Variants in MTR observed in about 807,000 individuals in gnomAD.
MTR encodes the protein 5-methyltetrahydrofolate-homocysteine methyltransferase.
In MTR, 84 loss-of-function variants were observed where a neutral mutation model predicts 154.8. The ratio of observed to expected loss-of-function variants is 0.54; its 90% CI spans 0.45 to 0.65. The LOEUF (loss-of-function observed/expected upper bound fraction) is 0.65, where lower values mean the gene tolerates loss of function less well. MTR is among the 30% of genes least tolerant of loss of function. MTR has a pLI of 0.00. For synonymous variants in MTR, 554 were observed against 553.9 expected (o/e 1.00, Z 0.00); for missense variants, 1,275 against 1,570.2 (o/e 0.81, Z 3.18).
At chr1:236,882,063 G>A (rs1427762728) in intron 25 of MTR, among the ~76,000 whole-genome samples, 3 of 152,170 alleles carry the variant, frequency 2.0e-5, no homozygotes, top group Non-Finnish European at 4.4e-5. Context: ...CTCAGTCTGG[G>A]ATCATAAAAT....
chr1:236,800,586 C>T (rs1660649618), intron 1 of MTR: 1 of 722,956 alleles, frequency 1.4e-6, no homozygotes, highest in Non-Finnish European at 1.7e-6. Context: ...AAGACATTTC[C>T]CAACCTGCAA....
chr1:236,829,163 A>T, intron 11 of MTR, 26 bp from the exon 12 acceptor site: 1 of 1,551,044 alleles, frequency 6.4e-7, no homozygotes. Context: ...GAATTAATGG[A>T]TACAATGTTT....
At chr1:236,865,332 T>A (rs550141856) in intron 22 of MTR, among the ~76,000 whole-genome samples, 1 of 152,346 alleles carries the variant, frequency 6.6e-6, no homozygotes, top group Admixed American at 6.5e-5. Flanking sequence ...GGCTTGTGTG[T>A]GATAACACAT....
chr1:236,821,730 GT>G (rs1158674556), intron 8 of MTR, among the ~76,000 whole-genome samples: 40 of 152,246 alleles, frequency 2.6e-4, no homozygotes, highest in Admixed American at 5.2e-4. Context: ...TTTTGAGTTA[GT>G]TTTTGTGAAA....
rs762426585 is a variant in MTR, at chr1:236,850,454, C to T, written c.1626C>T (p.Thr542=). ...TTATTTTTGACCCTAATATCCTAAC[C>T]ATTGGGACTGGAATGGAGGAACACA... ...NDIIFDPNIL[T]IGTGMEEHNL... Residue 542 remains threonine, a synonymous_variant, in exon 16 of 33, where the codon ACC becomes ACT. Coordinates refer to ENST00000366577, the MANE Select transcript of MTR (RefSeq NM_000254.3). 1.2e-6 allele frequency: 2 copies of T among 1,613,718 alleles called. No homozygotes were observed. Among genetic ancestry groups the T allele is most frequent in the Non-Finnish European group, 1.7e-6 (2 of 1,179,890 alleles).
chr1:236,818,728 T>G (rs1369307295), intron 8 of MTR, among the ~76,000 whole-genome samples: 1 of 152,240 alleles, frequency 6.6e-6, no homozygotes, highest in Admixed American at 6.5e-5. Context: ...GACTTGTGAT[T>G]ATCACGAACT....
At position 236,874,707 on chromosome 1, in the gene MTR, T is replaced by TA. The variant is rs777429098; in HGVS notation, c.2474-19_2474-18insA. 4.8e-4 allele frequency: 571 copies of TA among 1,202,078 alleles called. No individual in the cohort carries two copies. Among genetic ancestry groups the TA allele is most frequent in the African/African-American group, 1.5e-3 (81 of 55,480 alleles). 74.5% of individuals were successfully genotyped at this position (1,202,078 alleles called of 1,614,324 possible). On this transcript the variant is annotated intron_variant, in intron 23 of 32. Transcript: ENST00000366577. ...CACTGTCCTTTTTGTCCTTTTTTTT[T>TA]TAAAAAAAAAAAAAATAGATATAAT...
At chr1:236,810,395 A>C (rs909441551) in intron 4 of MTR, 108 bp from the exon 5 acceptor site, 15 of 940,066 alleles carry the variant, frequency 1.6e-5, no homozygotes, top group Non-Finnish European at 2.6e-5. Context: ...AGTTGTGGAC[A>C]AAAGATTATA....
chr1:236,864,522 C>G (rs1400417154), intron 22 of MTR, among the ~76,000 whole-genome samples: 1 of 152,146 alleles, frequency 6.6e-6, no homozygotes, highest in Non-Finnish European at 1.5e-5. Flanking sequence ...TATTTACCTG[C>G]TCACTTACTG....
At chr1:236,843,368 G>A (rs1481649574) in intron 15 of MTR, among the ~76,000 whole-genome samples, 1 of 152,166 alleles carries the variant, frequency 6.6e-6, no homozygotes, top group Non-Finnish European at 1.5e-5. Context: ...AGTAGCTGGA[G>A]CAGAGGGGAG....
chr1:236,838,350 C>T, intron 14 of MTR, 64 bp from the exon 15 acceptor site: 1 of 1,528,238 alleles, frequency 6.5e-7, no homozygotes, highest in Non-Finnish European at 9.1e-7. Flanking sequence ...ACTTTGGAGC[C>T]TTTGAAAAGT....
intron 21 of MTR, among the ~76,000 whole-genome samples, chr1:236,862,985 G>C (rs1044216249): frequency 6.6e-6 from 1 of 152,128 alleles, no homozygotes; most frequent in Non-Finnish European, 1.5e-5. Context: ...GGGCAGTAGT[G>C]GGGGATGCTA....
intron 6 of MTR, among the ~76,000 whole-genome samples, 184 bp from the exon 7 acceptor site, chr1:236,815,420 C>T (rs1661530345): frequency 6.6e-6 from 1 of 152,170 alleles, no homozygotes; most frequent in Non-Finnish European, 1.5e-5. Flanking sequence ...TCAATATGCA[C>T]AGTATTACAC....
chr1:236,832,051 T>G lies in MTR; in HGVS notation c.1161T>G (p.Ala387=). ...ATGTTGCAGGATCAAGGAAGTTTGC[T>G]AAACTCATCATGGCAGGAAACTATG... is the stretch of plus-strand genomic sequence containing the variant. The part of the protein sequence containing the change: ...RCNVAGSRKF[A]KLIMAGNYEE... The change falls in exon 13 of 33, where the codon GCT becomes GCG. Residue 387 remains alanine, a synonymous_variant. Transcript: ENST00000366577. 2 of 1,614,082 alleles carry G rather than the reference T, an allele frequency of 1.2e-6. No homozygotes were observed. The highest frequency in any genetic ancestry group is 1.7e-6 in the Non-Finnish European group (2 of 1,179,924).
At chr1:236,841,560 T>C (rs2103185739) in intron 15 of MTR, among the ~76,000 whole-genome samples, 1 of 152,324 alleles carries the variant, frequency 6.6e-6, no homozygotes, top group Non-Finnish European at 1.5e-5. Flanking sequence ...CAGCTGTGAC[T>C]GCTAGCTGTC....
At chr1:236,862,214 TG>T in intron 20 of MTR, 21 bp from the exon 21 acceptor site, 1 of 1,595,290 alleles carries the variant, frequency 6.3e-7, no homozygotes, top group East Asian at 2.2e-5. Flanking sequence ...GAAAGATACC[TG>T]ATCTATGCTT....
At chr1:236,833,696 G>A (rs892646274) in intron 13 of MTR, among the ~76,000 whole-genome samples, 5 of 152,176 alleles carry the variant, frequency 3.3e-5, no homozygotes, top group Admixed American at 6.5e-5. Context: ...ACATTGACCT[G>A]AAAGAAGTTC....
chr1:236,877,217 G>T (rs1572315503), intron 24 of MTR, among the ~76,000 whole-genome samples: 1 of 152,334 alleles, frequency 6.6e-6, no homozygotes, highest in East Asian at 1.9e-4. Flanking sequence ...GCGATCTGAG[G>T]TCTTGCTTTA....
At chr1:236,802,188 G>T (rs1171930002) in intron 1 of MTR, among the ~76,000 whole-genome samples, 1 of 152,164 alleles carries the variant, frequency 6.6e-6, no homozygotes, top group Non-Finnish European at 1.5e-5. Context: ...AGATTTTATG[G>T]TTAGTCTTCT....
Sources: allele counts gnomAD v4.1 joint callset (sites outside exome capture counted in the v4.1 genomes callset), GRCh38; gene constraint gnomAD v4.1.1; transcripts MANE v1.5; gene names NCBI Gene and HGNC (gene_info 2026-07-23, HGNC 2026-07-21).